The following ADAMTS17 variants were observed in gnomAD, a reference collection of about 807,000 sequenced individuals.
ADAMTS17 encodes A disintegrin and metalloproteinase with thrombospondin motifs 17.
ADAMTS17 carries 113 observed loss-of-function variants against 141.5 expected under a neutral mutation model. The ratio of observed to expected loss-of-function variants is 0.80; its 90% confidence interval spans 0.69 to 0.93. ADAMTS17 has a LOEUF of 0.93. Among genes scored for constraint, ADAMTS17 ranks in the 40% least tolerant of loss-of-function variants. ADAMTS17 has a pLI of 0.00. For missense variants in ADAMTS17, 1,659 were observed against 1,517.9 expected (o/e 1.09, Z -1.54); for synonymous variants, 768 against 630.6 (o/e 1.22, Z -3.27).
intron 12 of ADAMTS17, among the ~76,000 whole-genome samples, chr15:100,130,461 A>G (rs1456673610): frequency 6.6e-6 from 1 of 152,144 alleles, no homozygotes; most frequent in Non-Finnish European, 1.5e-5. Context: ...AGACATAATT[A>G]ATACATAATG....
chr15:100,131,224 TG>T (rs200559686), intron 12 of ADAMTS17, among the ~76,000 whole-genome samples: 21,674 of 150,028 alleles, frequency 0.14, 2,051 homozygotes, highest in Non-Finnish European at 0.21. Context: ...TCGAGGGGGT[TG>T]AGGGGCAAGG....
chr15:100,116,744 G>C lies in ADAMTS17; in HGVS notation c.1888+103C>G. On this transcript the variant is annotated intron_variant, in intron 13 of 21. Transcript: ENST00000268070. The stretch of plus-strand genomic sequence containing the variant: ...GGCAGAGGACTGGAGTGTCTTGCTG[G>C]GTTGGTTTGGGAAAGGGATGCCCCC... The C allele has an allele frequency of 2.6e-6, 4 of 1,518,358 alleles. No homozygotes were observed. The South Asian group carries it at 4.6e-5, about 17-fold the overall frequency. The allele number at this position is 1,518,358 out of a possible 1,614,324, so 94.1% of individuals were successfully genotyped here. A position where few individuals can be genotyped will look rare whatever the true frequency, so the allele number is the denominator to read the frequency against.
chr15:100,058,519 C>A (rs906243471), intron 15 of ADAMTS17, among the ~76,000 whole-genome samples: 4 of 152,200 alleles, frequency 2.6e-5, no homozygotes, highest in Non-Finnish European at 4.4e-5. Flanking sequence ...AGTAAAACAT[C>A]TGGGAAGTCA....
At chr15:100,321,656 T>A (rs1264696478) in intron 3 of ADAMTS17, among the ~76,000 whole-genome samples, 1 of 152,168 alleles carries the variant, frequency 6.6e-6, no homozygotes, top group Non-Finnish European at 1.5e-5. Context: ...GCCGTACAGC[T>A]CATACACCTG....
intron 7 of ADAMTS17, among the ~76,000 whole-genome samples, chr15:100,240,862 G>C (rs183464742): frequency 9.0e-4 from 137 of 152,226 alleles, no homozygotes; most frequent in Admixed American, 2.3e-3. Flanking sequence ...GTCTCGCTCT[G>C]TTGCCCAAGC....
At chr15:100,077,339 G>A (rs2034450688) in intron 15 of ADAMTS17, among the ~76,000 whole-genome samples, 1 of 143,010 alleles carries the variant, frequency 7.0e-6, no homozygotes, top group Non-Finnish European at 1.5e-5. Flanking sequence ...GTGCGTGCCT[G>A]TAATCCCAGC....
At chr15:100,100,306 T>G (rs2141040660) in intron 14 of ADAMTS17, among the ~76,000 whole-genome samples, 1 of 152,164 alleles carries the variant, frequency 6.6e-6, no homozygotes, top group South Asian at 2.1e-4. Flanking sequence ...CCCCCGGGGC[T>G]CCCTGCTTTT....
chr15:100,093,159 A>C (rs954037518), intron 15 of ADAMTS17, among the ~76,000 whole-genome samples: 1 of 152,140 alleles, frequency 6.6e-6, no homozygotes, highest in Non-Finnish European at 1.5e-5. Context: ...TAAACGCCCT[A>C]CACTCAGGAT....
chr15:100,332,160 A>G (rs2046073342), intron 2 of ADAMTS17, among the ~76,000 whole-genome samples: 1 of 152,168 alleles, frequency 6.6e-6, no homozygotes, highest in Admixed American at 6.5e-5. Context: ...AAACTCAAAG[A>G]TTTTACTGCC....
At position 99,997,255 on chromosome 15, in the gene ADAMTS17, T is replaced by G. The variant is rs1596186808; in HGVS notation, c.2796+130A>C. The stretch of plus-strand genomic sequence containing the variant: ...ATCTGAGATGGAAATTAAGAACACA[T>G]GAGCTATAACACAACTTCAAGCTGA... On this transcript the variant is annotated intron_variant, in intron 19 of 21. Coordinates refer to ENST00000268070, the MANE Select transcript of ADAMTS17 (RefSeq NM_139057.4). This position sits in a 1 kb window ranked among gnomAD's most constrained non-coding sequence, Gnocchi z 4.7. 161 of 989,458 alleles carry G rather than the reference T, an allele frequency of 1.6e-4. No individual in the cohort carries two copies. Among genetic ancestry groups the G allele is most frequent in the Non-Finnish European group, 2.4e-4 (154 of 629,118 alleles). 61.3% of individuals were successfully genotyped at this position (989,458 alleles called of 1,614,324 possible). A position where few individuals can be genotyped will look rare whatever the true frequency, so the allele number is the denominator to read the frequency against.
chr15:100,174,072 G>A (rs2040251831), intron 8 of ADAMTS17, among the ~76,000 whole-genome samples: 1 of 152,316 alleles, frequency 6.6e-6, no homozygotes, highest in East Asian at 1.9e-4. Flanking sequence ...CAATGTGACA[G>A]AGCTCTTGGT....
chr15:100,202,332 A>C (rs1013115606), intron 7 of ADAMTS17, among the ~76,000 whole-genome samples: 3 of 152,244 alleles, frequency 2.0e-5, no homozygotes, highest in African/African-American at 7.2e-5. Flanking sequence ...GAAAACAAAG[A>C]ATCAGTTTAT....
At chr15:100,159,144 C>T (rs2039574803) in intron 8 of ADAMTS17, among the ~76,000 whole-genome samples, 2 of 152,278 alleles carry the variant, frequency 1.3e-5, no homozygotes, top group South Asian at 4.2e-4. Flanking sequence ...AAAATTGAAA[C>T]CAGAATCTCC....
At chr15:100,014,300 G>A (rs1011913190) in intron 18 of ADAMTS17, among the ~76,000 whole-genome samples, 1 of 151,998 alleles carries the variant, frequency 6.6e-6, no homozygotes, top group African/African-American at 2.4e-5. Flanking sequence ...TCTTGCTAAA[G>A]GTCTACCAAT....
intron 7 of ADAMTS17, among the ~76,000 whole-genome samples, chr15:100,240,858 C>G (rs2042808180): frequency 6.6e-6 from 1 of 152,190 alleles, no homozygotes; most frequent in African/African-American, 2.4e-5. Context: ...CAGAGTCTCG[C>G]TCTGTTGCCC....
chr15:100,062,161 C>CA (rs2033171143), intron 15 of ADAMTS17, among the ~76,000 whole-genome samples: 1 of 152,212 alleles, frequency 6.6e-6, no homozygotes, highest in Non-Finnish European at 1.5e-5. Flanking sequence ...GAGGCAGGGA[C>CA]ACTGTCCATG....
intron 8 of ADAMTS17, among the ~76,000 whole-genome samples, chr15:100,161,252 G>A (rs558374473): frequency 3.3e-5 from 5 of 152,332 alleles, no homozygotes; most frequent in East Asian, 1.9e-4. Flanking sequence ...TCCGAATCTC[G>A]CAGGACATGA....
At chr15:100,265,896 C>T (rs35530259) in intron 4 of ADAMTS17, among the ~76,000 whole-genome samples, 9,535 of 152,294 alleles carry the variant, frequency 0.063, 322 homozygotes, top group Middle Eastern at 0.092. Context: ...GAATCAGAGA[C>T]CCTGGGTGTG....
chr15:100,200,257 C>G lies in ADAMTS17; in HGVS notation c.1076-834G>C, dbSNP rs558139251. Among the ~76,000 whole-genome samples the G allele has an allele frequency of 8.5e-5, 13 of 152,286 alleles. No individual in the cohort carries two copies. In the East Asian group the frequency reaches 2.5e-3, roughly 30 times the overall value. Reference sequence around the variant, plus strand: ...TGGGTGGTGTTGGTGGGACGGCAGGCCAGCCACTGCAGGAGGGGCAGGTGT... The same window carrying G: ...TGGGTGGTGTTGGTGGGACGGCAGGGCAGCCACTGCAGGAGGGGCAGGTGT... On this transcript the variant is annotated intron_variant, in intron 7 of 21. Coordinates refer to ENST00000268070, the MANE Select transcript of ADAMTS17 (RefSeq NM_139057.4).
Sources: gnomAD v4.1 joint callset for allele counts (sites outside exome capture counted in the v4.1 genomes callset) on GRCh38, gnomAD v4.1.1 for gene constraint, Gnocchi (gnomAD v3.1) non-coding constraint, MANE v1.5 for transcripts, NCBI Gene and HGNC (gene_info 2026-07-23, HGNC 2026-07-21) for gene names.